WWOX: variants seen among roughly 807,000 people sequenced by gnomAD.
WWOX encodes the protein WW domain containing oxidoreductase, also known as WW domain-containing oxidoreductase.
Under a neutral mutation model 46.2 loss-of-function variants are expected in WWOX, and 69 were observed. The ratio of observed to expected loss-of-function variants is 1.49; its 90% CI spans 1.23 to 1.82. The LOEUF (loss-of-function observed/expected upper bound fraction) is 1.82. Ranked by LOEUF, WWOX falls within the 40% of genes most tolerant of loss-of-function variation. WWOX has a pLI of 0.00. For missense variants in WWOX, 919 were observed against 542.6 expected (o/e 1.69, Z -6.89); for synonymous variants, 359 against 202.6 (o/e 1.77, Z -6.56).
intron 8 of WWOX, among the ~76,000 whole-genome samples, chr16:78,743,457 T>G (rs923730926): frequency 2.7e-5 from 4 of 148,562 alleles, no homozygotes; most frequent in African/African-American, 7.3e-5. Flanking sequence ...AAGCATCATT[T>G]AGAGAAGAAA....
At chr16:78,287,800 A>C (rs1175783025) in intron 5 of WWOX, among the ~76,000 whole-genome samples, 6 of 152,190 alleles carry the variant, frequency 3.9e-5, no homozygotes, top group Admixed American at 3.9e-4. Flanking sequence ...AACTTAAAAA[A>C]ATTTTTTTAA....
At chr16:78,262,783 A>G (rs1178223064) in intron 5 of WWOX, among the ~76,000 whole-genome samples, 1 of 152,184 alleles carries the variant, frequency 6.6e-6, no homozygotes, top group African/African-American at 2.4e-5. Flanking sequence ...ATCTTTAAAT[A>G]TAGGCCCATC....
At chr16:78,584,376 A>G (rs550111877) in intron 8 of WWOX, among the ~76,000 whole-genome samples, 8 of 152,308 alleles carry the variant, frequency 5.3e-5, no homozygotes, top group Non-Finnish European at 8.8e-5. Flanking sequence ...TAACCCCAAG[A>G]TGTGACTTTC....
intron 8 of WWOX, among the ~76,000 whole-genome samples, chr16:78,490,565 G>A (rs991835596): frequency 5.3e-5 from 8 of 152,140 alleles, no homozygotes; most frequent in Non-Finnish European, 8.8e-5. Context: ...GTTGTGGGAC[G>A]GAGGAGAAAG....
chr16:78,317,394 C>T (rs2080376635), intron 5 of WWOX, among the ~76,000 whole-genome samples: 1 of 152,148 alleles, frequency 6.6e-6, no homozygotes, highest in Non-Finnish European at 1.5e-5. Flanking sequence ...CTGGATACTG[C>T]ATCTAGCAGA....
At chr16:78,336,433 G>T (rs1353043516) in intron 5 of WWOX, among the ~76,000 whole-genome samples, 2 of 150,162 alleles carry the variant, frequency 1.3e-5, no homozygotes, top group African/African-American at 2.5e-5. Flanking sequence ...TTGAATCCAG[G>T]AGGTGAACGT....
intron 8 of WWOX, among the ~76,000 whole-genome samples, chr16:78,939,783 T>C (rs2045815304): frequency 6.6e-6 from 1 of 152,226 alleles, no homozygotes; most frequent in Admixed American, 6.5e-5. Context: ...TTCTCCAAAT[T>C]CCACTTCCCC....
chr16:78,289,021 C>T (rs1015715036), intron 5 of WWOX, among the ~76,000 whole-genome samples: 5 of 152,170 alleles, frequency 3.3e-5, no homozygotes, highest in East Asian at 1.9e-4. Context: ...CACAAATTCT[C>T]GGTTAACACA....
chr16:78,832,562 T>A (rs2051860865), intron 8 of WWOX, among the ~76,000 whole-genome samples: 1 of 152,212 alleles, frequency 6.6e-6, no homozygotes, highest in Non-Finnish European at 1.5e-5. Context: ...TCCTAACACC[T>A]GCTCGCTTCA....
At chr16:78,657,210 C>T (rs76933957) in intron 8 of WWOX, among the ~76,000 whole-genome samples, 2,144 of 152,166 alleles carry the variant, frequency 0.014, 49 homozygotes, top group African/African-American at 0.049. Flanking sequence ...CCATTGTCAT[C>T]ATCTCCACCA....
At chr16:78,575,607 C>T (rs1057367808) in intron 8 of WWOX, among the ~76,000 whole-genome samples, 5 of 152,112 alleles carry the variant, frequency 3.3e-5, no homozygotes, top group Non-Finnish European at 5.9e-5. Context: ...GCATTTGACG[C>T]ATATTTAATA....
At chr16:78,218,140 T>C (rs2036782110) in intron 5 of WWOX, among the ~76,000 whole-genome samples, 1 of 152,082 alleles carries the variant, frequency 6.6e-6, no homozygotes, top group Non-Finnish European at 1.5e-5. Flanking sequence ...CTGCAGCCTG[T>C]AACTCCCAGA....
At chr16:78,355,967 G>A (rs2081276980) in intron 5 of WWOX, 2 of 183,180 alleles carry the variant, frequency 1.1e-5, no homozygotes, top group Admixed American at 6.5e-5. Context: ...TTCCACTCCT[G>A]AAATGAGTTG....
At chr16:78,538,496 G>A (rs1025348279) in intron 8 of WWOX, among the ~76,000 whole-genome samples, 4 of 152,096 alleles carry the variant, frequency 2.6e-5, no homozygotes, top group East Asian at 1.9e-4. Flanking sequence ...TGACCTTTCC[G>A]TGCCTTTGTC....
At chr16:78,624,364 TC>T (rs1312249648) in intron 8 of WWOX, among the ~76,000 whole-genome samples, 1 of 152,206 alleles carries the variant, frequency 6.6e-6, no homozygotes, top group Non-Finnish European at 1.5e-5. Context: ...GTCTGGATGT[TC>T]CTTTTATTGT....
chr16:78,320,619 C>T (rs549832712), intron 5 of WWOX, among the ~76,000 whole-genome samples: 1 of 152,162 alleles, frequency 6.6e-6, no homozygotes, highest in Admixed American at 6.5e-5. Flanking sequence ...AATTATTCAA[C>T]CAAAGACAGC....
At chr16:78,567,587 T>C (rs1345600431) in intron 8 of WWOX, among the ~76,000 whole-genome samples, 3 of 150,838 alleles carry the variant, frequency 2.0e-5, no homozygotes, top group Non-Finnish European at 4.4e-5. Context: ...AAGTGAGTTT[T>C]TTTTGTGTAT....
intron 5 of WWOX, among the ~76,000 whole-genome samples, chr16:78,327,589 A>G (rs1020565550): frequency 4.6e-5 from 7 of 151,726 alleles, no homozygotes; most frequent in African/African-American, 1.2e-4. Context: ...CTTCACTCCA[A>G]CTCCCACTGG....
chr16:78,245,917 G>A (rs2037801534), intron 5 of WWOX, among the ~76,000 whole-genome samples: 1 of 152,160 alleles, frequency 6.6e-6, no homozygotes, highest in Admixed American at 6.5e-5. Flanking sequence ...AACAAAGAGG[G>A]GGAATTCTAA....
Sources: gnomAD v4.1 joint callset for allele counts (sites outside exome capture counted in the v4.1 genomes callset) on GRCh38, gnomAD v4.1.1 for gene constraint, MANE v1.5 for transcripts, NCBI Gene and HGNC (gene_info 2026-07-23, HGNC 2026-07-21) for gene names.